Variants in NCAM1 observed in about 807,000 individuals in gnomAD.
NCAM1 encodes the protein neural cell adhesion molecule 1.
In NCAM1, 14 loss-of-function variants were observed where a neutral mutation model predicts 109.8. That is an observed-to-expected ratio of 0.13 (90% CI 0.08 to 0.20). The LOEUF (loss-of-function observed/expected upper bound fraction) is 0.20, where lower values mean the gene tolerates loss of function less well. NCAM1 is among the 10% of genes least tolerant of loss of function. NCAM1 has a pLI of 1.00. For synonymous variants in NCAM1, 418 were observed against 442.9 expected, an observed-to-expected ratio of 0.94 and a Z score of 0.70; for missense variants, 774 against 1,109.9, an observed-to-expected ratio of 0.70 and a Z score of 4.30.
intron 1 of NCAM1, among the ~76,000 whole-genome samples, chr11:113,147,944 T>C (rs1942076414): frequency 6.6e-6 from 1 of 152,206 alleles, no homozygotes; most frequent in Non-Finnish European, 1.5e-5. Context: ...AATACAATCA[T>C]ACCTGTGCCA....
At chr11:113,077,063 A>G (rs1555086265) in intron 1 of NCAM1, among the ~76,000 whole-genome samples, 1 of 152,228 alleles carries the variant, frequency 6.6e-6, no homozygotes, top group Non-Finnish European at 1.5e-5. Context: ...CATTCAAAAA[A>G]TACTTTGAGC....
intron 1 of NCAM1, among the ~76,000 whole-genome samples, chr11:113,181,353 G>A (rs1943323771): frequency 6.6e-6 from 1 of 152,194 alleles, no homozygotes; most frequent in Admixed American, 6.5e-5. Flanking sequence ...CAGGTTCTGA[G>A]GTCTAAATAC....
chr11:113,177,822 G>A (rs560500432), intron 1 of NCAM1, among the ~76,000 whole-genome samples: 1 of 152,142 alleles, frequency 6.6e-6, no homozygotes, highest in Admixed American at 6.5e-5. Flanking sequence ...AGGTGGGACT[G>A]TCTCTCCCAG....
At chr11:113,004,001 G>A (rs1245011887) in intron 1 of NCAM1, 1 of 151,400 alleles carries the variant, frequency 6.6e-6, no homozygotes, top group Non-Finnish European at 1.5e-5. Flanking sequence ...ACACATCTTC[G>A]TTGTGAATAC....
intron 1 of NCAM1, among the ~76,000 whole-genome samples, chr11:113,171,802 T>C (rs957677049): frequency 6.6e-6 from 1 of 152,340 alleles, no homozygotes; most frequent in South Asian, 2.1e-4. Flanking sequence ...CAAATTCCTA[T>C]GTTGAAGTCC....
intron 1 of NCAM1, among the ~76,000 whole-genome samples, chr11:113,177,765 C>G (rs1943210200): frequency 6.6e-6 from 1 of 152,132 alleles, no homozygotes; most frequent in South Asian, 2.1e-4. Context: ...CAGTTTGTAG[C>G]CCCTGTCATG....
At chr11:113,179,994 T>C (rs1555107706) in intron 1 of NCAM1, among the ~76,000 whole-genome samples, 1 of 152,208 alleles carries the variant, frequency 6.6e-6, no homozygotes, top group Non-Finnish European at 1.5e-5. Flanking sequence ...TGAGGTTATA[T>C]GACTTTCCTA....
chr11:113,102,647 C>T (rs540235810), intron 1 of NCAM1, among the ~76,000 whole-genome samples: 3 of 152,160 alleles, frequency 2.0e-5, no homozygotes, highest in Non-Finnish European at 4.4e-5. Context: ...TATTTACTTA[C>T]TTACTTTCTT....
Position 112,962,143 on chromosome 11 carries a change from A to G in NCAM1, c.52+479A>G, listed in dbSNP as rs1353472726. The stretch of plus-strand genomic sequence containing the variant: ...GCTAGGGCAGCCGCCCCAGATCGTT[A>G]TATTCCTGGGTCTAATAAAGTCAGG... On this transcript the variant is annotated intron_variant, in intron 1 of 19. Transcript: ENST00000316851. The surrounding 1 kb of genome is among the most constrained non-coding windows in gnomAD (Gnocchi z 5.6). Among the ~76,000 whole-genome samples, 2 of 152,164 alleles carry G rather than the reference A, an allele frequency of 1.3e-5. No individual in the cohort carries two copies. The highest frequency in any genetic ancestry group is 6.5e-5 in the Admixed American group (1 of 15,278).
chr11:113,183,810 C>T (rs1373209808), intron 1 of NCAM1, among the ~76,000 whole-genome samples: 1 of 152,182 alleles, frequency 6.6e-6, no homozygotes, highest in African/African-American at 2.4e-5. Flanking sequence ...TCTTGTGGGT[C>T]AGTGTCCTCA....
At chr11:112,969,987 G>A (rs1555066480) in intron 1 of NCAM1, among the ~76,000 whole-genome samples, 1 of 152,108 alleles carries the variant, frequency 6.6e-6, no homozygotes, top group Non-Finnish European at 1.5e-5. Flanking sequence ...GAAAAAAGAG[G>A]TATAGAAAAG....
At chr11:113,196,631 C>G (rs1003433910) in intron 1 of NCAM1, among the ~76,000 whole-genome samples, 3 of 152,058 alleles carry the variant, frequency 2.0e-5, no homozygotes, top group Non-Finnish European at 2.9e-5. Context: ...CTGTTTTTCC[C>G]TGTTTTACAG....
At chr11:113,244,119 C>T (rs1217019251) in intron 14 of NCAM1, among the ~76,000 whole-genome samples, 3 of 152,178 alleles carry the variant, frequency 2.0e-5, no homozygotes, top group Non-Finnish European at 4.4e-5. Context: ...TCTTATTCTA[C>T]AGTGTCACTC....
At chr11:113,084,013 GGAAA>G (rs1938968744) in intron 1 of NCAM1, among the ~76,000 whole-genome samples, 1 of 152,212 alleles carries the variant, frequency 6.6e-6, no homozygotes, top group Non-Finnish European at 1.5e-5. Context: ...TCCAAGTCAA[GGAAA>G]TACATCTTCC....
Position 113,231,722 on chromosome 11 carries a change from T to C in NCAM1, c.1167T>C (p.Asp389=), listed in dbSNP as rs35123203. Residue 389 remains aspartate (D), a synonymous_variant, in exon 10 of 20, where the codon GAT becomes GAC. Coordinates refer to ENST00000316851, the MANE Select transcript of NCAM1 (RefSeq NM_181351.5). ...CCCTGAAGAGCATCCAGTACACTGA[T>C]GCCGGAGAGTACATCTGCACCGCCA... ...SLTLKSIQYT[D]AGEYICTASN... is the part of the protein sequence containing the mutation. The C allele has an allele frequency of 6.8e-6, 11 of 1,613,788 alleles. No homozygotes were observed. The highest frequency in any genetic ancestry group is 2.7e-5 in the African/African-American group (2 of 74,898).
chr11:113,051,870 A>G (rs1953507350), intron 1 of NCAM1, among the ~76,000 whole-genome samples: 1 of 152,350 alleles, frequency 6.6e-6, no homozygotes, highest in Admixed American at 6.5e-5. Flanking sequence ...TAATTCATAT[A>G]AATGGAATAG....
intron 17 of NCAM1, chr11:113,264,238 A>AT (rs1444021396): frequency 6.1e-6 from 6 of 984,374 alleles, no homozygotes; most frequent in African/African-American, 1.8e-5. Context: ...TTCTTTATGT[A>AT]TTTTTTTCTG....
rs1555116822 is a variant in NCAM1 at position 113,229,629 on chromosome 11, C to T, written c.1090-2016C>T. ...AATCATTCTGCTATAAAGACACATGCACACGTATGTTTATTACAGCAGTGC... is the reference window on the plus strand; with the variant it reads ...AATCATTCTGCTATAAAGACACATGTACACGTATGTTTATTACAGCAGTGC... On this transcript the variant is annotated intron_variant, in intron 9 of 19. Coordinates refer to ENST00000316851, the MANE Select transcript of NCAM1 (RefSeq NM_181351.5). 4.6e-5 allele frequency among the ~76,000 whole-genome samples: 7 copies of T among 152,318 alleles called. No individual in the cohort carries two copies. In the South Asian group the frequency reaches 1.5e-3, roughly 32 times the overall value.
At chr11:113,173,242 C>CAA (rs1943044773) in intron 1 of NCAM1, among the ~76,000 whole-genome samples, 1 of 152,098 alleles carries the variant, frequency 6.6e-6, no homozygotes, top group Admixed American at 6.5e-5. Flanking sequence ...TCATGTCTGT[C>CAA]AAAATGTGGC....
Sources: allele counts gnomAD v4.1 joint callset (sites outside exome capture counted in the v4.1 genomes callset), GRCh38; gene constraint gnomAD v4.1.1; non-coding constraint Gnocchi (gnomAD v3.1); transcripts MANE v1.5; gene names NCBI Gene and HGNC (gene_info 2026-07-23, HGNC 2026-07-21).